Variants in KIF1B observed in about 807,000 individuals in gnomAD.
The protein encoded by KIF1B is kinesin family member 1B.
A neutral mutation model predicts 241.9 loss-of-function variants in KIF1B; 76 were observed. The ratio of observed to expected loss-of-function variants is 0.31; its 90% CI spans 0.26 to 0.38. The LOEUF (loss-of-function observed/expected upper bound fraction) is 0.38. KIF1B is among the 10% of genes least tolerant of loss of function. The pLI is 1.00. For missense variants in KIF1B, 1,622 were observed against 2,271.4 expected (o/e 0.71, Z 5.81); for synonymous variants, 750 against 796.7 (o/e 0.94, Z 0.99).
At chr1:10,213,393 CTCTT>C (rs1483218673) in intron 1 of KIF1B, among the ~76,000 whole-genome samples, 1 of 152,008 alleles carries the variant, frequency 6.6e-6, no homozygotes, top group Non-Finnish European at 1.5e-5. Flanking sequence ...CCTTTTTTCT[CTCTT>C]TCTTCTTTCC....
At chr1:10,329,161 T>C (rs1406843331) in intron 27 of KIF1B, among the ~76,000 whole-genome samples, 1 of 152,212 alleles carries the variant, frequency 6.6e-6, no homozygotes, top group Non-Finnish European at 1.5e-5. Context: ...GGAATTGATT[T>C]TTCCATTTGT....
chr1:10,366,715 G>A (rs1325656994), intron 43 of KIF1B, among the ~76,000 whole-genome samples: 3 of 152,204 alleles, frequency 2.0e-5, no homozygotes, highest in Non-Finnish European at 2.9e-5. Context: ...GCTCACGCCT[G>A]TAATCCCACC....
chr1:10,308,273 A>G, intron 22 of KIF1B: 4 of 1,060,360 alleles, frequency 3.8e-6, no homozygotes, highest in African/African-American at 1.6e-5. Context: ...GTACTGTTAG[A>G]GCCAAAATTG....
chr1:10,381,531 T>C lies in KIF1B; in HGVS notation c.*4944T>C, dbSNP rs1411226327. 2.0e-5 allele frequency: 4 copies of C among 200,438 alleles called. No homozygotes were observed. The highest frequency in any genetic ancestry group is 4.1e-5 in the Non-Finnish European group (4 of 96,922). The allele number at this position is 200,438 out of a possible 1,614,324, so 12.4% of individuals were successfully genotyped here. On this transcript the variant is annotated 3_prime_UTR_variant, in exon 49 of 49. Transcript: ENST00000676179. ...GCAATGCAGACACTATCTAACTGTG[T>C]GTGGTAACCTTGCGTCACGGAGCTG...
chr1:10,324,648 A>G (rs973643157), intron 25 of KIF1B, 110 bp from the exon 26 acceptor site: 92 of 1,241,782 alleles, frequency 7.4e-5, no homozygotes, highest in East Asian at 6.0e-4. Flanking sequence ...CAGTGGGAGC[A>G]ACTCCTTTTT....
chr1:10,278,516 C>T (rs1361737413), intron 13 of KIF1B: 1 of 256,390 alleles, frequency 3.9e-6, no homozygotes, highest in Non-Finnish European at 7.6e-6. Flanking sequence ...ATGGGTTGCT[C>T]TGGATTAGTG....
intron 26 of KIF1B, among the ~76,000 whole-genome samples, 185 bp downstream of exon 26, chr1:10,325,080 G>A (rs1355514250): frequency 1.3e-5 from 2 of 152,100 alleles, no homozygotes; most frequent in Non-Finnish European, 2.9e-5. Context: ...TATTCAGCAG[G>A]CATTTTTGTT....
At position 10,308,613 on chromosome 1, in the gene KIF1B, CTA is replaced by C. The variant is rs906423930; in HGVS notation, c.2115+11369_2115+11370del. ...CATCTTTTAAGAGTGTGATTTCTCTCTATGTGGGAAGAGGGAAAAGGAAAGCA... is the reference window on the plus strand; with the variant it reads ...CATCTTTTAAGAGTGTGATTTCTCTCTGTGGGAAGAGGGAAAAGGAAAGCA... On this transcript the variant is annotated intron_variant, in intron 22 of 48. Transcript: ENST00000676179. 4.8e-5 allele frequency: 49 copies of C among 1,013,000 alleles called. No individual in the cohort carries two copies. In the African/African-American group the frequency reaches 7.4e-4, roughly 15 times the overall value. 62.8% of individuals were successfully genotyped at this position (1,013,000 alleles called of 1,614,324 possible).
chr1:10,346,994 T>A (rs1327885119), intron 35 of KIF1B, among the ~76,000 whole-genome samples: 1 of 152,174 alleles, frequency 6.6e-6, no homozygotes, highest in African/African-American at 2.4e-5. Flanking sequence ...GCATCCTCAG[T>A]TGAGAACCAC....
Position 10,292,047 on chromosome 1 carries a change from A to G in KIF1B, c.1515A>G (p.Arg505=), listed in dbSNP as rs1391892586. 7 of 1,613,542 alleles carry G rather than the reference A, an allele frequency of 4.3e-6. No homozygotes were observed. Among genetic ancestry groups the G allele is most frequent in the Admixed American group, 1.7e-5 (1 of 59,992 alleles). The change falls in exon 17 of 49, where the codon AGA becomes AGG. Residue 505 remains arginine, a splice_region_variant and synonymous_variant. Coordinates refer to ENST00000676179, the MANE Select transcript of KIF1B (RefSeq NM_001365951.3). ...TCTGATATACCTGTTTTTTTCCTAG[A>G]GAGGCTTTGTTGGCTGAGATGGGAG... The part of the protein sequence containing the change: ...LRKTEAIRME[R]EALLAEMGVA...
chr1:10,306,114 A>G (rs1650816901), intron 22 of KIF1B: 3 of 1,041,626 alleles, frequency 2.9e-6, no homozygotes, highest in South Asian at 9.2e-5. Context: ...TGCCTCTAAG[A>G]AAATACTTTC....
Position 10,378,570 on chromosome 1 carries a change from C to T in KIF1B, c.*1983C>T, listed in dbSNP as rs1232148264. 1 of 632,042 alleles carries T rather than the reference C, an allele frequency of 1.6e-6. No individual in the cohort carries two copies. Among genetic ancestry groups the T allele is most frequent in the African/African-American group, 1.8e-5 (1 of 54,870 alleles). 39.2% of individuals were successfully genotyped at this position (632,042 alleles called of 1,614,324 possible). A position where few individuals can be genotyped will look rare whatever the true frequency, so the allele number is the denominator to read the frequency against. ...ATCTGCTCACTCCCACTTGGTGAGT[C>T]CTCGGCCTTGAGGTTGCTGACTCTC... On this transcript the variant is annotated 3_prime_UTR_variant, in exon 49 of 49. Transcript: ENST00000676179.
Position 10,374,296 on chromosome 1 carries a change from C to G in KIF1B, c.4947-20C>G. On this transcript the variant is annotated intron_variant, in intron 45 of 48. Transcript: ENST00000676179. The surrounding 1 kb of genome is among the most constrained non-coding windows in gnomAD (Gnocchi z 4.3). Reference sequence around the variant, plus strand: ...TGATTCTCTTGTTACCCTTTTCTTTCTAATCTCTCTATTTTAAAGGACCCC... The same window carrying G: ...TGATTCTCTTGTTACCCTTTTCTTTGTAATCTCTCTATTTTAAAGGACCCC... 2 of 1,612,066 alleles carry G rather than the reference C, an allele frequency of 1.2e-6. No individual in the cohort carries two copies. The highest frequency in any genetic ancestry group is 2.2e-5 in the South Asian group (2 of 91,030).
intron 15 of KIF1B, among the ~76,000 whole-genome samples, chr1:10,287,738 C>T (rs1293284873): frequency 6.6e-6 from 1 of 152,278 alleles, no homozygotes; most frequent in East Asian, 1.9e-4. Flanking sequence ...GATTCCTAGA[C>T]AGTAATTTTG....
chr1:10,286,698 A>G (rs564600255), intron 15 of KIF1B, among the ~76,000 whole-genome samples: 1 of 152,344 alleles, frequency 6.6e-6, no homozygotes, highest in African/African-American at 2.4e-5. Flanking sequence ...GTTTAGCTAT[A>G]TGAACATAAT....
Position 10,348,637 on chromosome 1 carries a change from T to C in KIF1B, c.3865-12T>C, listed in dbSNP as rs1384040957. 3 of 1,611,620 alleles carry C rather than the reference T, an allele frequency of 1.9e-6. No individual in the cohort carries two copies. Among genetic ancestry groups the C allele is most frequent in the Non-Finnish European group, 2.5e-6 (3 of 1,177,752 alleles). On this transcript the variant is annotated splice_polypyrimidine_tract_variant and intron_variant, in intron 36 of 48. Coordinates refer to ENST00000676179, the MANE Select transcript of KIF1B (RefSeq NM_001365951.3). ...TGCTTCAGCTAAATTGCAACCCTGC[T>C]TCATTACCTAGGGCATCCAGCGAAG...
intron 2 of KIF1B, among the ~76,000 whole-genome samples, chr1:10,240,958 G>A (rs1017586180): frequency 6.6e-6 from 1 of 151,982 alleles, no homozygotes; most frequent in African/African-American, 2.4e-5. Context: ...TTCATCCTCT[G>A]TTATCAGACA....
chr1:10,361,085 C>G, intron 39 of KIF1B, 42 bp downstream of exon 39: 1 of 1,267,108 alleles, frequency 7.9e-7, no homozygotes. Context: ...ACAGTCAGCC[C>G]TGAACAGTGT....
At position 10,297,487 on chromosome 1, in the gene KIF1B, C is replaced by G. The variant is rs373020673; in HGVS notation, c.2115+241C>G. ...TAAAGCCAAATCTTAACTTCTGTTA[C>G]AACCAAATACTTTTTAAGGAAATAG... On this transcript the variant is annotated intron_variant, in intron 22 of 48. Coordinates refer to ENST00000676179, the MANE Select transcript of KIF1B (RefSeq NM_001365951.3). 3.9e-5 allele frequency among the ~76,000 whole-genome samples: 6 copies of G among 152,316 alleles called. No homozygotes were observed. In the South Asian group the frequency reaches 1.2e-3, roughly 32 times the overall value.
Sources: allele counts gnomAD v4.1 joint callset (sites outside exome capture counted in the v4.1 genomes callset), GRCh38; gene constraint gnomAD v4.1.1; non-coding constraint Gnocchi (gnomAD v3.1); transcripts MANE v1.5; gene names NCBI Gene and HGNC (gene_info 2026-07-23, HGNC 2026-07-21).